The following AKAP9 variants were observed in gnomAD, a reference collection of about 807,000 sequenced individuals.
AKAP9 encodes A-kinase anchoring protein 9.
Under a neutral mutation model 488.5 loss-of-function variants are expected in AKAP9, and 311 were observed. That is an observed-to-expected ratio of 0.64 (90% confidence interval 0.58 to 0.70). The LOEUF is 0.70. Ranked by LOEUF, AKAP9 falls within the 30% of genes least tolerant of loss-of-function variation. AKAP9 has a pLI of 0.00. For synonymous variants in AKAP9, 1,462 were observed against 1,483.5 expected (o/e 0.99, Z 0.33); for missense variants, 4,215 against 4,374.5 (o/e 0.96, Z 1.03).
rs535368313 is a variant in AKAP9, at chr7:92,097,671, A to G, written c.10484A>G (p.Tyr3495Cys). The change falls in exon 42 of 50, where the codon TAC becomes TGC. Residue 3495 changes from tyrosine (Y) to cysteine (C), a missense_variant. By Grantham distance (194) the Tyr-to-Cys change is radical. Transcript: ENST00000356239. ...KIEGETKESN[Y>C]AKLIEMNGGG... ...GAAGGAGAAACAAAAGAATCAAACT[A>G]CGCTAAATTGATTGAAATGAATGGA... 6.2e-7 allele frequency: 1 copy of G among 1,614,190 alleles called. No individual in the cohort carries two copies. Among genetic ancestry groups the G allele is most frequent in the East Asian group, 2.2e-5 (1 of 44,882 alleles).
intron 4 of AKAP9, 63 bp downstream of exon 4, chr7:91,992,274 CT>C (rs1008881176): frequency 9.3e-5 from 118 of 1,264,696 alleles, no homozygotes; most frequent in Non-Finnish European, 1.3e-4. Context: ...ATCTGGCTTA[CT>C]AACAAAACTT....
intron 2 of AKAP9, among the ~76,000 whole-genome samples, chr7:91,977,415 G>A (rs989895605): frequency 1.3e-5 from 2 of 152,164 alleles, no homozygotes; most frequent in East Asian, 1.9e-4. Flanking sequence ...AATTAGCGGG[G>A]CATGGTGGTG....
At position 92,110,369 on chromosome 7, in the gene AKAP9, A is replaced by C; in HGVS notation, c.*210A>C. On this transcript the variant is annotated 3_prime_UTR_variant, in exon 50 of 50. Coordinates refer to ENST00000356239, the MANE Select transcript of AKAP9 (RefSeq NM_005751.5). ...TGTATTCATGCACAATAATTATTGA[A>C]TTACCTGTATATTTGTGGAATGCTA... is the stretch of plus-strand genomic sequence containing the variant. 1 of 554,210 alleles carries C rather than the reference A, an allele frequency of 1.8e-6. No homozygotes were observed. Among genetic ancestry groups the C allele is most frequent in the Non-Finnish European group, 3.2e-6 (1 of 310,964 alleles). 34.3% of individuals were successfully genotyped at this position (554,210 alleles called of 1,614,324 possible). A position where few individuals can be genotyped will look rare whatever the true frequency, so the allele number is the denominator to read the frequency against.
intron 12 of AKAP9, among the ~76,000 whole-genome samples, 154 bp from the exon 13 acceptor site, chr7:92,022,084 G>A (rs1219709187): frequency 6.6e-6 from 1 of 152,182 alleles, no homozygotes; most frequent in African/African-American, 2.4e-5. Context: ...GAAGAGAACA[G>A]GGAATAACTT....
intron 3 of AKAP9, among the ~76,000 whole-genome samples, chr7:91,990,655 A>G (rs74366239): frequency 0.011 from 1,603 of 152,314 alleles, 25 homozygotes; most frequent in African/African-American, 0.037. Flanking sequence ...AACTATAAAC[A>G]TAATTATTAT....
chr7:92,039,092 G>T (rs185016909), intron 17 of AKAP9, among the ~76,000 whole-genome samples: 1 of 152,124 alleles, frequency 6.6e-6, no homozygotes, highest in Non-Finnish European at 1.5e-5. Context: ...TTTTAGTAGA[G>T]ACAGGATTTT....
At position 91,992,045 on chromosome 7, in the gene AKAP9, G is replaced by A. The variant is rs186249152; in HGVS notation, c.352-113G>A. ...CTCTGTATCTGTTTTCGCCAATGAT[G>A]CATTTTCCCTAGGAATAAAAGACAT... is the stretch of plus-strand genomic sequence containing the variant. On this transcript the variant is annotated intron_variant, in intron 3 of 49. Transcript: ENST00000356239. 1.5e-4 allele frequency: 131 copies of A among 858,038 alleles called. No individual in the cohort carries two copies. In the East Asian group the frequency reaches 1.7e-3, roughly 11 times the overall value. 53.2% of individuals were successfully genotyped at this position (858,038 alleles called of 1,614,324 possible).
At chr7:91,970,542 G>A in intron 1 of AKAP9, 1 of 453,698 alleles carries the variant, frequency 2.2e-6, no homozygotes, top group South Asian at 1.6e-5. Flanking sequence ...GCTTTTGTTT[G>A]TCTGTGAAAG....
intron 30 of AKAP9, 140 bp downstream of exon 30, chr7:92,078,015 G>T (rs1451186026): frequency 3.5e-6 from 2 of 567,922 alleles, no homozygotes; most frequent in Non-Finnish European, 2.6e-6. Flanking sequence ...TATTTTTTTT[G>T]AGACAGAATC....
chr7:92,097,508 ATT>A, intron 41 of AKAP9, 76 bp from the exon 42 acceptor site: 6 of 1,529,066 alleles, frequency 3.9e-6, no homozygotes, highest in Non-Finnish European at 5.4e-6. Context: ...ATAAACAATA[ATT>A]GTGTTCCCTT....
At chr7:92,045,929 G>C (rs1037856692) in intron 21 of AKAP9, among the ~76,000 whole-genome samples, 3 of 151,270 alleles carry the variant, frequency 2.0e-5, no homozygotes, top group Non-Finnish European at 4.4e-5. Flanking sequence ...TGTCTCCCGG[G>C]TTCAAGCAAT....
chr7:92,060,892 T>A (rs973614480), intron 22 of AKAP9, among the ~76,000 whole-genome samples: 1 of 152,182 alleles, frequency 6.6e-6, no homozygotes. Context: ...TATCATAGAC[T>A]GTATAGTTAC....
Position 92,098,188 on chromosome 7 carries a change from A to G in AKAP9, c.10687A>G (p.Lys3563Glu), listed in dbSNP as rs1297567039. Reference protein sequence around the residue: ...NIDEIILQLQKLTGQQGEEPS... With the variant: ...NIDEIILQLQELTGQQGEEPS... ...TGATGAAATTATTTTACAACTACAG[A>G]AATTAACTGGCCAGCAAGGTGAAGA... Residue 3563 changes from lysine to glutamate, a missense_variant, in exon 43 of 50, where the codon AAA (lysine) becomes GAA (glutamate). Coordinates refer to ENST00000356239, the MANE Select transcript of AKAP9 (RefSeq NM_005751.5). 8.1e-6 allele frequency: 13 copies of G among 1,610,410 alleles called. No individual in the cohort carries two copies. The highest frequency in any genetic ancestry group is 9.3e-6 in the Non-Finnish European group (11 of 1,176,750).
At position 92,084,993 on chromosome 7, in the gene AKAP9, G is replaced by A. The variant is rs1411774853; in HGVS notation, c.8832+53G>A. Reference sequence around the variant, plus strand: ...ACTCAGCCAGTGTTGTTTCTATGTTGAACATAGCAGTTCATTAGAAGTTAT... The same window carrying A: ...ACTCAGCCAGTGTTGTTTCTATGTTAAACATAGCAGTTCATTAGAAGTTAT... On this transcript the variant is annotated intron_variant, in intron 35 of 49. Transcript: ENST00000356239. 3.1e-6 allele frequency: 5 copies of A among 1,587,922 alleles called. No individual in the cohort carries two copies. The Admixed American group carries it at 5.0e-5, about 16-fold the overall frequency.
At position 92,002,663 on chromosome 7, in the gene AKAP9, G is replaced by C. The variant is rs1364812251; in HGVS notation, c.2746G>C (p.Val916Leu). ...AACTACAGTGAAAATGAAAAGTTCT[G>C]TCTTTGATGAAGACAAAACTTTTGT... Reference protein sequence around the residue: ...NPTTVKMKSSVFDEDKTFVAE... With the variant: ...NPTTVKMKSSLFDEDKTFVAE... The change falls in exon 8 of 50, where the codon GTC (valine) becomes CTC (leucine). Residue 916 changes from valine (V) to leucine (L), a missense_variant. Around this residue, in one of 5 missense-constraint regions of AKAP9, gnomAD observed 2,361 missense variants for 2,430.0 expected, o/e 0.97. Transcript: ENST00000356239. 6.2e-7 allele frequency: 1 copy of C among 1,613,390 alleles called. No homozygotes were observed. Among genetic ancestry groups the C allele is most frequent in the Non-Finnish European group, 8.5e-7 (1 of 1,179,644 alleles).
intron 21 of AKAP9, among the ~76,000 whole-genome samples, chr7:92,048,607 T>C (rs1373652537): frequency 2.0e-5 from 3 of 151,950 alleles, no homozygotes; most frequent in Non-Finnish European, 4.4e-5. Context: ...AATGCTGTCT[T>C]ATAGAAGGAA....
rs1405907502 is a variant in AKAP9, at chr7:92,101,068, C to T, written c.11097+12C>T. The T allele has an allele frequency of 6.2e-7, 1 of 1,610,500 alleles. No individual in the cohort carries two copies. Among genetic ancestry groups the T allele is most frequent in the Non-Finnish European group, 8.5e-7 (1 of 1,178,658 alleles). ...ATGTCACTTTAAAGGTAGGAGACAT[C>T]TCCCATCTAAACATCACAGCTGGTT... On this transcript the variant is annotated intron_variant, in intron 45 of 49. Coordinates refer to ENST00000356239, the MANE Select transcript of AKAP9 (RefSeq NM_005751.5).
In AKAP9 at chr7:92,096,756, A is replaced by C. The variant is rs1175223153; in HGVS notation, c.9797A>C (p.Gln3266Pro). 4 of 1,614,252 alleles carry C rather than the reference A, an allele frequency of 2.5e-6. No individual in the cohort carries two copies. The highest frequency in any genetic ancestry group is 3.4e-6 in the Non-Finnish European group (4 of 1,180,044). ...NLQLNLLLEQ[Q>P]KQLLNESQQK... ...CAGCTAAATCTACTTTTGGAACAACAGAAACAACTACTGAACGAATCCCAG... is the reference window on the plus strand; with the variant it reads ...CAGCTAAATCTACTTTTGGAACAACCGAAACAACTACTGAACGAATCCCAG... Residue 3266 changes from glutamine (Q) to proline (P), a missense_variant, in exon 41 of 50, where the codon CAG becomes CCG. This residue lies in a region of AKAP9 where 1,476 missense variants were observed against 1,477.4 expected (regional missense o/e 1.00). Transcript: ENST00000356239.
chr7:91,983,158 T>C (rs2130600595), intron 3 of AKAP9, among the ~76,000 whole-genome samples: 1 of 152,166 alleles, frequency 6.6e-6, no homozygotes. Context: ...ACCCATTAAC[T>C]CGTCATTTCA....
Sources: allele counts gnomAD v4.1 joint callset (sites outside exome capture counted in the v4.1 genomes callset), GRCh38; gene constraint gnomAD v4.1.1; regional missense constraint gnomAD v4.1.1; transcripts MANE v1.5; gene names NCBI Gene and HGNC (gene_info 2026-07-23, HGNC 2026-07-21).